The following COL4A1 variants were observed in gnomAD, a reference collection of about 807,000 sequenced individuals.
COL4A1 encodes the protein collagen alpha-1(IV) chain.
COL4A1 carries 40 observed loss-of-function variants against 216.6 expected under a neutral mutation model. The observed-to-expected ratio is 0.18, with a 90% CI of 0.14 to 0.24. The LOEUF is 0.24. Ranked by LOEUF, COL4A1 falls within the 10% of genes least tolerant of loss-of-function variation. The pLI is 1.00. For synonymous variants in COL4A1, 839 were observed against 810.7 expected (o/e 1.03, Z -0.59); for missense variants, 1,628 against 2,196.8 (o/e 0.74, Z 5.18).
intron 1 of COL4A1, among the ~76,000 whole-genome samples, chr13:110,289,836 G>A (rs923653839): frequency 2.6e-5 from 4 of 152,152 alleles, no homozygotes; most frequent in South Asian, 2.1e-4. Flanking sequence ...ACGGACCACC[G>A]CTTCTTCCTC....
chr13:110,175,404 G>A (rs1017680408), intron 36 of COL4A1, 47 bp from the exon 37 acceptor site: 1 of 1,611,538 alleles, frequency 6.2e-7, no homozygotes. Context: ...AGCTAGTGCT[G>A]GTATTACAAA....
chr13:110,175,492 C>A lies in COL4A1; in HGVS notation c.3059-135G>T. On this transcript the variant is annotated intron_variant, in intron 36 of 51. Coordinates refer to ENST00000375820, the MANE Select transcript of COL4A1 (RefSeq NM_001845.6). ...CCCACAACCAGCCAAGATTGAGATA[C>A]AAGAATGCACATCCCTCATGTATCA... The A allele has an allele frequency of 3.5e-6, 5 of 1,441,388 alleles. No homozygotes were observed. The South Asian group carries it at 3.7e-5, about 11-fold the overall frequency. 89.3% of individuals were successfully genotyped at this position (1,441,388 alleles called of 1,614,324 possible).
chr13:110,238,386 A>G (rs191088993), intron 2 of COL4A1, among the ~76,000 whole-genome samples: 1 of 152,336 alleles, frequency 6.6e-6, no homozygotes, highest in Non-Finnish European at 1.5e-5. Flanking sequence ...TGGTCCCAAG[A>G]GCTGTTTTCT....
intron 1 of COL4A1, among the ~76,000 whole-genome samples, chr13:110,244,978 C>A (rs922687854): frequency 3.3e-5 from 5 of 152,148 alleles, no homozygotes; most frequent in African/African-American, 9.7e-5. Context: ...TGGTTGTATT[C>A]TTGGTGCTGT....
intron 22 of COL4A1, among the ~76,000 whole-genome samples, chr13:110,193,805 G>A (rs914198935): frequency 6.6e-6 from 1 of 152,230 alleles, no homozygotes; most frequent in African/African-American, 2.4e-5. Flanking sequence ...CTTTCAGGAG[G>A]CAGAGCAGGA....
intron 24 of COL4A1, 145 bp from the exon 25 acceptor site, chr13:110,187,474 G>A: frequency 2.2e-6 from 2 of 916,606 alleles, no homozygotes; most frequent in South Asian, 1.5e-5. Context: ...TTTTCTAGAT[G>A]CAAGCCAGGA....
intron 1 of COL4A1, among the ~76,000 whole-genome samples, chr13:110,285,329 G>A (rs981928747): frequency 2.0e-5 from 3 of 152,212 alleles, no homozygotes; most frequent in African/African-American, 7.2e-5. Flanking sequence ...CACCCTGTGG[G>A]CCTCACTCAC....
At chr13:110,215,022 C>A (rs559726037) in intron 2 of COL4A1, among the ~76,000 whole-genome samples, 1 of 152,260 alleles carries the variant, frequency 6.6e-6, no homozygotes, top group East Asian at 1.9e-4. Flanking sequence ...AATAGAGTAA[C>A]AAATAGCGAG....
In COL4A1 at chr13:110,169,774, G is replaced by C. The variant is rs200753271; in HGVS notation, c.3743-12C>G. ...GGGTCCCGGAAGTCCTAATGGAAGA[G>C]AAGAAAGCCACACATTTGGGGTTAA... On this transcript the variant is annotated splice_polypyrimidine_tract_variant and intron_variant, in intron 42 of 51. Coordinates refer to ENST00000375820, the MANE Select transcript of COL4A1 (RefSeq NM_001845.6). 1 of 1,613,870 alleles carries C rather than the reference G, an allele frequency of 6.2e-7. No individual in the cohort carries two copies. The highest frequency in any genetic ancestry group is 8.5e-7 in the Non-Finnish European group (1 of 1,179,990).
intron 2 of COL4A1, among the ~76,000 whole-genome samples, chr13:110,238,287 T>TGCTCACAA (rs1356916002): frequency 6.6e-6 from 1 of 152,238 alleles, no homozygotes; most frequent in East Asian, 1.9e-4. Context: ...ATTGAGACTC[T>TGCTCACAA]GCTCACAAGA....
chr13:110,257,556 T>A (rs748576235), intron 1 of COL4A1, among the ~76,000 whole-genome samples: 6 of 152,128 alleles, frequency 3.9e-5, no homozygotes, highest in South Asian at 4.2e-4. Flanking sequence ...AAAGCCATGG[T>A]CTCTCAATGA....
intron 1 of COL4A1, among the ~76,000 whole-genome samples, chr13:110,303,814 G>A (rs1175414979): frequency 1.3e-5 from 2 of 152,192 alleles, no homozygotes; most frequent in Non-Finnish European, 2.9e-5. Context: ...AGTCCCTGCC[G>A]CATGGCCAGC....
intron 1 of COL4A1, among the ~76,000 whole-genome samples, chr13:110,256,746 G>A (rs545445893): frequency 6.6e-6 from 1 of 152,034 alleles, no homozygotes; most frequent in African/African-American, 2.4e-5. Flanking sequence ...ACCGGCGGCG[G>A]GGGGGTCTAT....
rs554174947 is a variant in COL4A1, at chr13:110,174,390, T to A, written c.3406+56A>T. 1.9e-5 allele frequency: 30 copies of A among 1,594,822 alleles called. No homozygotes were observed. The South Asian group carries it at 2.8e-4, about 15-fold the overall frequency. On this transcript the variant is annotated intron_variant, in intron 39 of 51. Coordinates refer to ENST00000375820, the MANE Select transcript of COL4A1 (RefSeq NM_001845.6). ...GATGGGAACTCCTTGGGGCCTCCCA[T>A]CCCCTGGCCACTGTTCTCTATGTGC...
intron 1 of COL4A1, among the ~76,000 whole-genome samples, chr13:110,252,710 G>GTATATATACATATAATTATATGTATATA (rs1882201508): frequency 2.6e-5 from 1 of 38,548 alleles, no homozygotes; most frequent in Non-Finnish European, 4.7e-5. Flanking sequence ...ATGTATATAT[G>GTATATATACATATAATTATATGTATATA]TATTATACAT....
At chr13:110,258,227 A>T (rs1430884924) in intron 1 of COL4A1, among the ~76,000 whole-genome samples, 1 of 152,246 alleles carries the variant, frequency 6.6e-6, no homozygotes, top group Non-Finnish European at 1.5e-5. Flanking sequence ...GCCAAAGTGA[A>T]CCGGGCAGCA....
chr13:110,205,312 G>C (rs762953570), intron 17 of COL4A1, 41 bp downstream of exon 17: 2 of 1,611,266 alleles, frequency 1.2e-6, no homozygotes, highest in Non-Finnish European at 1.7e-6. Context: ...GGGTTGAATT[G>C]GAAAGTGAAG....
chr13:110,180,611 G>T (rs1319193534), intron 29 of COL4A1, among the ~76,000 whole-genome samples: 1 of 152,258 alleles, frequency 6.6e-6, no homozygotes, highest in African/African-American at 2.4e-5. Context: ...GGACAGGAAA[G>T]GATCTAATCG....
chr13:110,152,461 G>C lies in COL4A1; in HGVS notation c.4801C>G (p.Pro1601Ala), dbSNP rs1174157767. The change falls in exon 51 of 52, where the codon CCC becomes GCC. Residue 1601 changes from proline to alanine, a missense_variant. Pro to Ala is a conservative substitution (Grantham distance 27, BLOSUM62 -1). Transcript: ENST00000375820. The stretch of plus-strand genomic sequence containing the variant: ...CTAAACTCCTCCAGGCAGGAGCCGG[G>C]GGACGCCAGGGCTTGGCCAGAGCCT... ...AEGSGQALAS[P>A]GSCLEEFRSA... 6.2e-7 allele frequency: 1 copy of C among 1,613,924 alleles called. No individual in the cohort carries two copies. Among genetic ancestry groups the C allele is most frequent in the South Asian group, 1.1e-5 (1 of 91,060 alleles).
Sources: gnomAD v4.1 joint callset for allele counts (sites outside exome capture counted in the v4.1 genomes callset) on GRCh38, gnomAD v4.1.1 for gene constraint, MANE v1.5 for transcripts, NCBI Gene and HGNC (gene_info 2026-07-23, HGNC 2026-07-21) for gene names.